The following TBC1D8 variants were observed in gnomAD, a reference collection of about 807,000 sequenced individuals.
TBC1D8 encodes TBC1 domain family member 8, also known as BUB2-like protein 1.
In TBC1D8, 65 loss-of-function variants were observed where a neutral mutation model predicts 118.8. The observed-to-expected ratio is 0.55, with a 90% CI of 0.45 to 0.67. The LOEUF is 0.67. Among genes scored for constraint, TBC1D8 ranks in the 30% least tolerant of loss-of-function variants. TBC1D8 has a pLI of 0.00. For missense variants in TBC1D8, 1,376 were observed against 1,471.2 expected (o/e 0.94, Z 1.06); for synonymous variants, 566 against 595.8 (o/e 0.95, Z 0.73).
At chr2:101,020,072 C>CAAAAA (rs200778679) in intron 17 of TBC1D8, among the ~76,000 whole-genome samples, 3 of 90,952 alleles carry the variant, frequency 3.3e-5, no homozygotes, top group Non-Finnish European at 4.2e-5. Flanking sequence ...AACTCCGTCT[C>CAAAAA]AAAAAAAAAA....
At chr2:101,099,239 C>T (rs1035586418) in intron 1 of TBC1D8, among the ~76,000 whole-genome samples, 1 of 152,126 alleles carries the variant, frequency 6.6e-6, no homozygotes, top group Admixed American at 6.5e-5. Context: ...TAGTTCCACA[C>T]AAATAAACTA....
intron 1 of TBC1D8, among the ~76,000 whole-genome samples, chr2:101,103,707 G>T (rs1201027864): frequency 6.6e-6 from 1 of 151,918 alleles, no homozygotes; most frequent in Non-Finnish European, 1.5e-5. Flanking sequence ...TCTTTAACTT[G>T]ATAAAGAACA....
chr2:101,106,092 C>T (rs1415388241), intron 1 of TBC1D8, among the ~76,000 whole-genome samples: 3 of 151,526 alleles, frequency 2.0e-5, no homozygotes, highest in African/African-American at 7.3e-5. Context: ...AACTTAAAAG[C>T]ATATTGCTAA....
chr2:101,067,841 A>C (rs115404456), intron 2 of TBC1D8, among the ~76,000 whole-genome samples: 150 of 152,342 alleles, frequency 9.8e-4, no homozygotes, highest in African/African-American at 3.5e-3. Context: ...AAAACTTTTC[A>C]AATTTGGAGT....
intron 1 of TBC1D8, among the ~76,000 whole-genome samples, chr2:101,137,676 T>C (rs528654427): frequency 1.9e-4 from 29 of 152,330 alleles, no homozygotes; most frequent in Admixed American, 1.6e-3. Context: ...TAAATACATC[T>C]AAGCTGAGAA....
At chr2:101,034,104 C>T (rs1413850127) in intron 9 of TBC1D8, among the ~76,000 whole-genome samples, 2 of 152,134 alleles carry the variant, frequency 1.3e-5, no homozygotes, top group East Asian at 3.9e-4. Context: ...GCAGAGGTTG[C>T]AGTGAGCTGA....
At chr2:101,031,415 A>C (rs1680663554) in intron 11 of TBC1D8, among the ~76,000 whole-genome samples, 1 of 152,154 alleles carries the variant, frequency 6.6e-6, no homozygotes, top group South Asian at 2.1e-4. Flanking sequence ...CACAGTCTTC[A>C]AGGGCGCCTT....
intron 17 of TBC1D8, among the ~76,000 whole-genome samples, chr2:101,020,739 A>C (rs1204342985): frequency 6.6e-6 from 1 of 152,126 alleles, no homozygotes; most frequent in Non-Finnish European, 1.5e-5. Flanking sequence ...CCCTCATCCG[A>C]AGTGTTAAAC....
chr2:101,072,496 A>G (rs1043696595), intron 2 of TBC1D8, among the ~76,000 whole-genome samples: 7 of 152,226 alleles, frequency 4.6e-5, no homozygotes, highest in African/African-American at 1.7e-4. Flanking sequence ...GCACTAAGCC[A>G]GCAGTCCCCA....
At chr2:101,099,762 A>G (rs1461144261) in intron 1 of TBC1D8, among the ~76,000 whole-genome samples, 1 of 152,214 alleles carries the variant, frequency 6.6e-6, no homozygotes, top group African/African-American at 2.4e-5. Flanking sequence ...GACAAAAACC[A>G]CATGATTATC....
At chr2:101,065,040 C>A (rs914777110) in intron 2 of TBC1D8, among the ~76,000 whole-genome samples, 14 of 152,138 alleles carry the variant, frequency 9.2e-5, no homozygotes, top group African/African-American at 2.7e-4. Context: ...AATATTTATT[C>A]TCTTAGGTTT....
intron 1 of TBC1D8, among the ~76,000 whole-genome samples, chr2:101,140,459 G>A (rs775386720): frequency 4.6e-5 from 7 of 152,040 alleles, no homozygotes; most frequent in Admixed American, 6.6e-5. Flanking sequence ...GGAAAATCAC[G>A]GCCCCTGGGC....
intron 1 of TBC1D8, among the ~76,000 whole-genome samples, chr2:101,105,616 A>ATG (rs1292716320): frequency 2.0e-5 from 3 of 148,164 alleles, no homozygotes; most frequent in Non-Finnish European, 4.5e-5. Flanking sequence ...AAACATATAT[A>ATG]TATATATAGT....
Position 101,050,590 on chromosome 2 carries a change from T to C in TBC1D8, c.683A>G (p.Asn228Ser), listed in dbSNP as rs372928611. 193 of 1,613,832 alleles carry C rather than the reference T, an allele frequency of 1.2e-4. No individual in the cohort carries two copies. Among genetic ancestry groups the C allele is most frequent in the Admixed American group, 5.2e-4 (31 of 59,996 alleles). ...VDIQKLERTS[N>S]VFLTDTIRIT... ...TCGGATGGTATCCGTCAGAAAGACA[T>C]TGGACGTTCTTTCTAATTTCTGGAT... The change falls in exon 5 of 20, where the codon AAT becomes AGT. Residue 228 changes from asparagine (N) to serine (S), a missense_variant. By Grantham distance (46) the Asn-to-Ser change is conservative (BLOSUM62 1). Transcript: ENST00000409318.
At chr2:101,063,753 C>A (rs1156714289) in intron 2 of TBC1D8, among the ~76,000 whole-genome samples, 2 of 151,772 alleles carry the variant, frequency 1.3e-5, no homozygotes, top group African/African-American at 2.4e-5. Flanking sequence ...TCTGAAAATA[C>A]CTTTTTTCAA....
intron 5 of TBC1D8, among the ~76,000 whole-genome samples, chr2:101,044,119 C>G (rs1453647100): frequency 6.6e-6 from 1 of 152,212 alleles, no homozygotes; most frequent in Admixed American, 6.5e-5. Flanking sequence ...CCTCACTTTC[C>G]CTGTAGACAT....
Position 101,049,085 on chromosome 2 carries a change from G to A in TBC1D8, c.872+1316C>T, listed in dbSNP as rs116387687. 3.8e-3 allele frequency among the ~76,000 whole-genome samples: 571 copies of A among 152,264 alleles called. 6 individuals are homozygous for A. The highest frequency in any genetic ancestry group is 0.013 in the African/African-American group (529 of 41,552). On this transcript the variant is annotated intron_variant, in intron 5 of 19. Transcript: ENST00000409318. ...CAAACACGGGCATACAAATAGCTCC[G>A]AGCCCCTGCTTTCAATTCTTTAGCG...
At chr2:101,085,851 T>C (rs1178093336) in intron 2 of TBC1D8, among the ~76,000 whole-genome samples, 2 of 152,060 alleles carry the variant, frequency 1.3e-5, no homozygotes, top group African/African-American at 4.8e-5. Context: ...TCAAAACAAC[T>C]TGACAACAGG....
At position 101,028,394 on chromosome 2, in the gene TBC1D8, G is replaced by A. The variant is rs1047117541; in HGVS notation, c.2261C>T (p.Pro754Leu). 3 of 1,606,214 alleles carry A rather than the reference G, an allele frequency of 1.9e-6. No individual in the cohort carries two copies. Among genetic ancestry groups the A allele is most frequent in the Admixed American group, 1.7e-5 (1 of 59,230 alleles). ...DHIKNEDSPG[P>L]PVGSHHAFFS... Reference sequence around the variant, plus strand: ...AAAGGCATGGTGGCTGCCAACTGGGGGCCCTGGGCTGTCCTCATTCTTAAT... The same window carrying A: ...AAAGGCATGGTGGCTGCCAACTGGGAGCCCTGGGCTGTCCTCATTCTTAAT... Residue 754 changes from proline to leucine, a missense_variant, in exon 13 of 20, where the codon CCC becomes CTC. Physicochemically the swap from Pro to Leu is moderately conservative, Grantham distance 98. Transcript: ENST00000409318.
Sources: gnomAD v4.1 joint callset for allele counts (sites outside exome capture counted in the v4.1 genomes callset) on GRCh38, gnomAD v4.1.1 for gene constraint, MANE v1.5 for transcripts, NCBI Gene and HGNC (gene_info 2026-07-23, HGNC 2026-07-21) for gene names.